Variants in PLXDC2 observed in about 807,000 individuals in gnomAD.
PLXDC2 encodes plexin domain-containing protein 2.
Under a neutral mutation model 68.9 loss-of-function variants are expected in PLXDC2, and 40 were observed. That is an observed-to-expected ratio of 0.58 (90% CI 0.45 to 0.76). PLXDC2 has a LOEUF of 0.76. PLXDC2 is among the 30% of genes least tolerant of loss of function. The pLI is 0.00. For synonymous variants in PLXDC2, 243 were observed against 234.2 expected (o/e 1.04, Z -0.34); for missense variants, 644 against 661.9 (o/e 0.97, Z 0.30).
chr10:20,148,688 C>G (rs768993743), intron 6 of PLXDC2, among the ~76,000 whole-genome samples: 1 of 152,032 alleles, frequency 6.6e-6, no homozygotes, highest in Non-Finnish European at 1.5e-5. Flanking sequence ...TGAGAGAAAC[C>G]TGAACTGTGA....
At chr10:20,125,429 G>T (rs1738921912) in intron 4 of PLXDC2, among the ~76,000 whole-genome samples, 1 of 152,208 alleles carries the variant, frequency 6.6e-6, no homozygotes, top group Non-Finnish European at 1.5e-5. Flanking sequence ...CCTGTTTGTA[G>T]TCTTGGATGA....
intron 13 of PLXDC2, among the ~76,000 whole-genome samples, chr10:20,266,744 TC>T (rs1835877204): frequency 6.6e-6 from 1 of 152,200 alleles, no homozygotes; most frequent in Non-Finnish European, 1.5e-5. Context: ...CGAGAGACTT[TC>T]CTTGTTGAAA....
chr10:20,068,614 TTA>T (rs113370455), intron 4 of PLXDC2, among the ~76,000 whole-genome samples: 7 of 147,520 alleles, frequency 4.7e-5, no homozygotes, highest in East Asian at 2.0e-4. Context: ...TATATATATA[TTA>T]TATATATATA....
chr10:19,878,645 C>T (rs1036221903), intron 1 of PLXDC2, among the ~76,000 whole-genome samples: 5 of 152,246 alleles, frequency 3.3e-5, no homozygotes, highest in Non-Finnish European at 5.9e-5. Context: ...TCCTTACCCC[C>T]GACAGTTAAT....
chr10:20,035,980 CTG>C (rs564552855), intron 2 of PLXDC2, among the ~76,000 whole-genome samples: 160 of 152,306 alleles, frequency 1.1e-3, no homozygotes, highest in African/African-American at 3.5e-3. Context: ...AGACAGATAA[CTG>C]TGGATTTTTC....
At chr10:20,160,540 A>T (rs1240802252) in intron 6 of PLXDC2, among the ~76,000 whole-genome samples, 1 of 152,210 alleles carries the variant, frequency 6.6e-6, no homozygotes, top group Non-Finnish European at 1.5e-5. Flanking sequence ...AGAATCAAAG[A>T]TCACTTATAG....
At chr10:20,198,247 T>A (rs1352642457) in intron 9 of PLXDC2, among the ~76,000 whole-genome samples, 1 of 152,130 alleles carries the variant, frequency 6.6e-6, no homozygotes, top group Non-Finnish European at 1.5e-5. Context: ...TGGAAAGTAG[T>A]TTGTAGAAAG....
intron 1 of PLXDC2, among the ~76,000 whole-genome samples, chr10:19,897,193 C>G (rs899927650): frequency 6.6e-6 from 1 of 151,730 alleles, no homozygotes; most frequent in African/African-American, 2.4e-5. Flanking sequence ...TTTCTTTTCT[C>G]CATGTCTCCA....
intron 1 of PLXDC2, among the ~76,000 whole-genome samples, chr10:19,867,434 C>A (rs892943416): frequency 3.3e-5 from 5 of 152,048 alleles, no homozygotes; most frequent in Non-Finnish European, 7.4e-5. Flanking sequence ...ATCTGTATTT[C>A]TGTAGAACGT....
intron 9 of PLXDC2, among the ~76,000 whole-genome samples, chr10:20,197,698 G>C (rs970651312): frequency 6.6e-6 from 1 of 151,518 alleles, no homozygotes; most frequent in Non-Finnish European, 1.5e-5. Context: ...TTGCTCTGTC[G>C]CCCAAGCTGA....
chr10:19,878,103 A>G (rs754745216), intron 1 of PLXDC2, among the ~76,000 whole-genome samples: 4 of 152,236 alleles, frequency 2.6e-5, no homozygotes, highest in Non-Finnish European at 5.9e-5. Flanking sequence ...TCTATAAGCT[A>G]TAAATGTACT....
At chr10:19,849,994 C>G (rs1402800487) in intron 1 of PLXDC2, among the ~76,000 whole-genome samples, 1 of 152,094 alleles carries the variant, frequency 6.6e-6, no homozygotes. Flanking sequence ...AAATGTAGTT[C>G]TCTATGTTAC....
At chr10:20,238,682 T>TACACAC (rs1835470833) in intron 12 of PLXDC2, among the ~76,000 whole-genome samples, 3 of 137,516 alleles carry the variant, frequency 2.2e-5, no homozygotes, top group Non-Finnish European at 4.7e-5. Flanking sequence ...TATATGTATA[T>TACACAC]ATATATATAT....
At chr10:20,000,044 C>A (rs187233453) in intron 1 of PLXDC2, among the ~76,000 whole-genome samples, 64 of 152,240 alleles carry the variant, frequency 4.2e-4, no homozygotes, top group African/African-American at 1.5e-3. Flanking sequence ...TTGCCTGGTC[C>A]GATGATGCTT....
chr10:19,963,599 A>G (rs1369642006), intron 1 of PLXDC2, among the ~76,000 whole-genome samples: 1 of 152,160 alleles, frequency 6.6e-6, no homozygotes, highest in Non-Finnish European at 1.5e-5. Context: ...AAAAAACCAA[A>G]CACCGCATGT....
chr10:20,146,614 A>G (rs557336255), intron 5 of PLXDC2, among the ~76,000 whole-genome samples: 1 of 148,956 alleles, frequency 6.7e-6, no homozygotes, highest in South Asian at 2.1e-4. Flanking sequence ...CACAGCAGTG[A>G]TAATGGCTAA....
intron 1 of PLXDC2, among the ~76,000 whole-genome samples, chr10:19,879,466 ATTAT>A (rs1414287989): frequency 2.0e-5 from 3 of 152,162 alleles, no homozygotes; most frequent in Non-Finnish European, 4.4e-5. Flanking sequence ...AAATTGTGCC[ATTAT>A]TTATTCAATT....
intron 3 of PLXDC2, among the ~76,000 whole-genome samples, chr10:20,051,306 T>C (rs1008213292): frequency 1.3e-5 from 2 of 150,860 alleles, no homozygotes; most frequent in Non-Finnish European, 3.0e-5. Flanking sequence ...ATTTGGGTGA[T>C]GAAAGAATCC....
chr10:20,133,197 C>G (rs939416832), intron 4 of PLXDC2, among the ~76,000 whole-genome samples: 5 of 151,794 alleles, frequency 3.3e-5, no homozygotes, highest in African/African-American at 1.2e-4. Context: ...TTTCCAATAC[C>G]TTTGTCTTTA....
Sources: allele counts gnomAD v4.1 joint callset (sites outside exome capture counted in the v4.1 genomes callset), GRCh38; gene constraint gnomAD v4.1.1; transcripts MANE v1.5; gene names NCBI Gene and HGNC (gene_info 2026-07-23, HGNC 2026-07-21).